Variants in COL21A1 observed in about 807,000 individuals in gnomAD.
COL21A1 encodes the protein collagen type XXI alpha 1 chain, also known as collagen alpha-1(XXI) chain.
In COL21A1, 149 loss-of-function variants were observed where a neutral mutation model predicts 137.9. The observed-to-expected ratio is 1.08, with a 90% CI of 0.95 to 1.24. The LOEUF (loss-of-function observed/expected upper bound fraction) is 1.24, where lower values mean the gene tolerates loss of function less well. Among genes scored for constraint, COL21A1 ranks in the 50% most tolerant of loss-of-function variants. The pLI, the probability that COL21A1 is intolerant of heterozygous loss-of-function variation, is 0.00. For synonymous variants in COL21A1, 456 were observed against 391.5 expected, an observed-to-expected ratio of 1.16 and a Z score of -1.95; for missense variants, 1,167 against 1,158.4, an observed-to-expected ratio of 1.01 and a Z score of -0.11.
At chr6:56,148,348 G>GAGAGAGAGAC (rs1775008649) in intron 10 of COL21A1, among the ~76,000 whole-genome samples, 2 of 145,908 alleles carry the variant, frequency 1.4e-5, no homozygotes, top group Admixed American at 1.3e-4. Flanking sequence ...CAGAGAGAGA[G>GAGAGAGAGAC]AGAGAGAGAG....
chr6:56,221,043 T>G (rs536506711), intron 1 of COL21A1, among the ~76,000 whole-genome samples: 1 of 152,276 alleles, frequency 6.6e-6, no homozygotes, highest in African/African-American at 2.4e-5. Context: ...GCATTAAGTG[T>G]ACTGTTATGT....
At chr6:56,292,986 A>C (rs1056196076) in intron 1 of COL21A1, among the ~76,000 whole-genome samples, 3 of 152,190 alleles carry the variant, frequency 2.0e-5, no homozygotes, top group Non-Finnish European at 4.4e-5. Flanking sequence ...TATGCTTAAA[A>C]ATTTATAGTA....
intron 1 of COL21A1, among the ~76,000 whole-genome samples, chr6:56,282,606 C>T (rs902737282): frequency 5.3e-5 from 8 of 152,204 alleles, no homozygotes; most frequent in Non-Finnish European, 1.2e-4. Flanking sequence ...CAGAACATTG[C>T]ACAGCCTGAA....
chr6:56,249,997 A>G (rs539036861), upstream of COL21A1, among the ~76,000 whole-genome samples: 8 of 152,362 alleles, frequency 5.3e-5, no homozygotes, highest in Admixed American at 4.6e-4. Context: ...TTTTAACTGA[A>G]CTGTAAAATA....
Position 56,328,250 on chromosome 6 carries a change from C to A in COL21A1, c.-39+65721G>T, listed in dbSNP as rs552631892. 5.3e-5 allele frequency among the ~76,000 whole-genome samples: 8 copies of A among 152,064 alleles called. No homozygotes were observed. In the South Asian group the frequency reaches 1.0e-3, roughly 20 times the overall value. On this transcript the variant is annotated intron_variant, in intron 1 of 28. Coordinates refer to the COL21A1 transcript ENST00000370819. ...CTATTTTTAAAATATGAGTTCTTTC[C>A]CATTAAAAACTCTTAAATATATTTT...
chr6:56,295,224 G>T (rs1764136577), intron 1 of COL21A1, among the ~76,000 whole-genome samples: 1 of 151,736 alleles, frequency 6.6e-6, no homozygotes, highest in South Asian at 2.1e-4. Context: ...CTATTGAATT[G>T]CCTTTGTCCT....
In COL21A1 at chr6:56,108,653, A is replaced by C. The variant is rs538970209; in HGVS notation, c.1759-7128T>G. Among the ~76,000 whole-genome samples the C allele has an allele frequency of 2.0e-5, 3 of 152,020 alleles. No individual in the cohort carries two copies. In the South Asian group the frequency reaches 6.2e-4, roughly 32 times the overall value. ...GACAAAAATGCACGAATAATAGGAC[A>C]CTAATATACCACTCTCTGTTCAAGA... On this transcript the variant is annotated intron_variant, in intron 16 of 29. Coordinates refer to ENST00000244728, the MANE Select transcript of COL21A1 (RefSeq NM_030820.4).
At chr6:56,331,294 T>C (rs941274916) in intron 1 of COL21A1, among the ~76,000 whole-genome samples, 1 of 151,992 alleles carries the variant, frequency 6.6e-6, no homozygotes, top group Non-Finnish European at 1.5e-5. Flanking sequence ...TTAAGTTCCA[T>C]TTGTCAATTT....
chr6:56,142,105 A>T (rs1428432018), intron 10 of COL21A1, 122 bp from the exon 11 acceptor site: 5 of 667,058 alleles, frequency 7.5e-6, no homozygotes, highest in African/African-American at 1.8e-5. Context: ...TTAGAGACAA[A>T]TCCAAAATAA....
At chr6:56,124,704 C>A (rs1241323525) in intron 14 of COL21A1, among the ~76,000 whole-genome samples, 1 of 151,592 alleles carries the variant, frequency 6.6e-6, no homozygotes, top group Non-Finnish European at 1.5e-5. Context: ...TGCAGTGGTG[C>A]AATCTCCGCT....
intron 17 of COL21A1, among the ~76,000 whole-genome samples, chr6:56,099,272 C>T (rs534619609): frequency 2.8e-4 from 38 of 136,482 alleles, no homozygotes; most frequent in Non-Finnish European, 4.8e-4. Flanking sequence ...TTAGCTCTGT[C>T]GCCCAGGCTG....
chr6:56,077,709 T>C (rs1375766446), intron 17 of COL21A1, 136 bp from the exon 18 acceptor site: 3 of 566,452 alleles, frequency 5.3e-6, no homozygotes, highest in Non-Finnish European at 9.1e-6. Flanking sequence ...TATTGCTATT[T>C]GTAATAATCC....
At chr6:56,265,453 C>A (rs1763371706) in intron 1 of COL21A1, among the ~76,000 whole-genome samples, 1 of 152,206 alleles carries the variant, frequency 6.6e-6, no homozygotes, top group Non-Finnish European at 1.5e-5. Flanking sequence ...CTGTCCCTTT[C>A]CCGTCCTTCC....
chr6:56,182,509 G>A (rs1398096338), intron 2 of COL21A1, 22 bp downstream of exon 2: 3 of 1,492,936 alleles, frequency 2.0e-6, no homozygotes, highest in East Asian at 2.3e-5. Context: ...TAACAAAAAA[G>A]GACAATGCTG....
intron 12 of COL21A1, among the ~76,000 whole-genome samples, chr6:56,138,422 T>A (rs1414624126): frequency 6.6e-6 from 1 of 151,760 alleles, no homozygotes; most frequent in Non-Finnish European, 1.5e-5. Flanking sequence ...CAGGGCTGAA[T>A]CCTGGAGGCA....
At chr6:56,178,866 G>A (rs1260624219) in intron 3 of COL21A1, among the ~76,000 whole-genome samples, 4 of 152,040 alleles carry the variant, frequency 2.6e-5, no homozygotes, top group African/African-American at 4.8e-5. Context: ...CAATTTTAAC[G>A]TTTTCCCCCA....
chr6:56,370,575 C>A (rs765519475), intron 1 of COL21A1, among the ~76,000 whole-genome samples: 39 of 152,120 alleles, frequency 2.6e-4, no homozygotes, highest in Non-Finnish European at 4.4e-4. Flanking sequence ...CAAAATAAAC[C>A]GTACAATTGG....
intron 19 of COL21A1, 82 bp from the exon 20 acceptor site, chr6:56,074,367 C>T: frequency 1.1e-6 from 1 of 890,120 alleles, no homozygotes; most frequent in African/African-American, 1.7e-5. Context: ...GTTACACATT[C>T]TCATAATTAA....
intron 3 of COL21A1, among the ~76,000 whole-genome samples, chr6:56,172,163 C>A (rs961227215): frequency 6.6e-6 from 1 of 151,394 alleles, no homozygotes; most frequent in South Asian, 2.1e-4. Flanking sequence ...GATATGGATA[C>A]TCGAATTCAA....
Sources: gnomAD v4.1 joint callset for allele counts (sites outside exome capture counted in the v4.1 genomes callset) on GRCh38, gnomAD v4.1.1 for gene constraint, MANE v1.5 for transcripts, NCBI Gene and HGNC (gene_info 2026-07-23, HGNC 2026-07-21) for gene names.